The following PTGER3 variants were observed in gnomAD, a reference collection of about 807,000 sequenced individuals.
The protein encoded by PTGER3 is prostaglandin E2 receptor EP3 subtype.
A neutral mutation model predicts 34.7 loss-of-function variants in PTGER3; 22 were observed. The ratio of observed to expected loss-of-function variants is 0.63; its 90% CI spans 0.45 to 0.91. PTGER3 has a LOEUF of 0.91. PTGER3 is among the 40% of genes least tolerant of loss of function. The probability of loss-of-function intolerance (pLI) is 0.00; values close to 1 mark genes in which losing one functional copy is unlikely to be tolerated. For synonymous variants in PTGER3, 241 were observed against 230.1 expected (o/e 1.05, Z -0.43); for missense variants, 468 against 519.4 (o/e 0.90, Z 0.96).
chr1:71,009,483 T>G, intron 2 of PTGER3: 1 of 982,644 alleles, frequency 1.0e-6, no homozygotes, highest in Non-Finnish European at 1.2e-6. Flanking sequence ...TTCAAGATAT[T>G]TTTAAGACAT....
chr1:70,970,617 G>A (rs1239946897), downstream of PTGER3, among the ~76,000 whole-genome samples: 2 of 151,894 alleles, frequency 1.3e-5, no homozygotes, highest in Non-Finnish European at 2.9e-5. Context: ...CCTTTAGCAT[G>A]GTACCTAAAG....
At chr1:70,856,222 A>T (rs911447019) in intron 4 of PTGER3, among the ~76,000 whole-genome samples, 9 of 152,118 alleles carry the variant, frequency 5.9e-5, no homozygotes, top group Admixed American at 1.3e-4. Flanking sequence ...TATCTTTATG[A>T]CCTAGCCAAG....
chr1:70,886,669 T>C (rs1006624891), intron 4 of PTGER3, among the ~76,000 whole-genome samples: 2 of 152,246 alleles, frequency 1.3e-5, no homozygotes, highest in African/African-American at 4.8e-5. Flanking sequence ...GTTTTCATCA[T>C]GGCAATTATT....
At chr1:70,859,725 G>C (rs1645885631) in intron 4 of PTGER3, among the ~76,000 whole-genome samples, 1 of 152,156 alleles carries the variant, frequency 6.6e-6, no homozygotes, top group African/African-American at 2.4e-5. Context: ...TGCAGAAGGA[G>C]GCTAGCTATG....
At chr1:70,926,695 T>G (rs1648125573) in intron 4 of PTGER3, among the ~76,000 whole-genome samples, 1 of 151,920 alleles carries the variant, frequency 6.6e-6, no homozygotes, top group African/African-American at 2.4e-5. Flanking sequence ...CTAATTGTCC[T>G]GGCCAGAACT....
chr1:70,857,848 T>C (rs1355381262), intron 4 of PTGER3, among the ~76,000 whole-genome samples: 2 of 152,218 alleles, frequency 1.3e-5, no homozygotes, highest in Non-Finnish European at 2.9e-5. Context: ...TATGTATTCT[T>C]GGCCCTTGTT....
intron 2 of PTGER3, chr1:71,006,050 CT>C (rs1231751039): frequency 6.1e-6 from 4 of 657,434 alleles, no homozygotes; most frequent in Non-Finnish European, 7.5e-6. Context: ...CTATTTGTAA[CT>C]GTATATTAGC....
intron 2 of PTGER3, chr1:70,953,832 A>G: frequency 1.0e-6 from 1 of 972,752 alleles, no homozygotes; most frequent in Non-Finnish European, 1.5e-6. Flanking sequence ...ATAATTTAAT[A>G]TGCAAAGTTC....
At chr1:70,896,010 C>T (rs1403616832) in intron 4 of PTGER3, among the ~76,000 whole-genome samples, 1 of 152,196 alleles carries the variant, frequency 6.6e-6, no homozygotes, top group Non-Finnish European at 1.5e-5. Context: ...TCCAGCTACT[C>T]TTTCTGGGAA....
intron 4 of PTGER3, chr1:70,947,313 T>C (rs1455742362): frequency 6.6e-6 from 1 of 152,090 alleles, no homozygotes. Context: ...GGGCCGGTCT[T>C]TCCCATGCTA....
At chr1:70,966,544 A>G (rs141652227), downstream of PTGER3, among the ~76,000 whole-genome samples, 26 of 152,216 alleles carry the variant, frequency 1.7e-4, no homozygotes, top group African/African-American at 6.0e-4. Flanking sequence ...ATAAGTGTAC[A>G]TGTGCTATGG....
chr1:70,993,831 A>C (rs1331343662), intron 2 of PTGER3, among the ~76,000 whole-genome samples: 2 of 152,222 alleles, frequency 1.3e-5, no homozygotes, highest in African/African-American at 4.8e-5. Context: ...CAGTCTAGTG[A>C]TATGAACACA....
At chr1:70,893,066 A>G (rs1250703241) in intron 4 of PTGER3, among the ~76,000 whole-genome samples, 1 of 152,182 alleles carries the variant, frequency 6.6e-6, no homozygotes, top group Admixed American at 6.5e-5. Flanking sequence ...ACAAACTAGA[A>G]CTAAACAAGG....
intron 1 of PTGER3, among the ~76,000 whole-genome samples, chr1:71,036,333 A>G (rs1659818324): frequency 6.6e-6 from 1 of 152,146 alleles, no homozygotes; most frequent in Non-Finnish European, 1.5e-5. Flanking sequence ...CAGGGAAAAG[A>G]CATACAAGCC....
intron 1 of PTGER3, among the ~76,000 whole-genome samples, chr1:71,015,778 C>T (rs1485337351): frequency 4.6e-5 from 7 of 152,184 alleles, no homozygotes; most frequent in African/African-American, 1.4e-4. Context: ...GGAAATAATA[C>T]ACGAAAATTC....
chr1:70,952,083 G>A (rs756930005), downstream of PTGER3, among the ~76,000 whole-genome samples: 1 of 152,072 alleles, frequency 6.6e-6, no homozygotes, highest in Non-Finnish European at 1.5e-5. Flanking sequence ...TGGGCTGGTG[G>A]GGGCAAGTGG....
chr1:70,879,932 A>C (rs1646354225), intron 4 of PTGER3, among the ~76,000 whole-genome samples: 1 of 152,012 alleles, frequency 6.6e-6, no homozygotes, highest in South Asian at 2.1e-4. Flanking sequence ...GTCTCTACTA[A>C]AAATATAAAA....
chr1:70,894,168 G>A (rs919362295), intron 4 of PTGER3, among the ~76,000 whole-genome samples: 8 of 151,964 alleles, frequency 5.3e-5, no homozygotes, highest in Admixed American at 1.3e-4. Context: ...AATTAGCCGG[G>A]CGTGGTGGTG....
intron 4 of PTGER3, among the ~76,000 whole-genome samples, chr1:70,892,249 T>C (rs766802890): frequency 6.6e-6 from 1 of 152,212 alleles, no homozygotes; most frequent in Non-Finnish European, 1.5e-5. Context: ...CTCTCTGAGC[T>C]TGAGTTTCCG....
Sources: gnomAD v4.1 joint callset for allele counts (sites outside exome capture counted in the v4.1 genomes callset) on GRCh38, gnomAD v4.1.1 for gene constraint, MANE v1.5 for transcripts, NCBI Gene and HGNC (gene_info 2026-07-23, HGNC 2026-07-21) for gene names.